The following BTF3L4 variants were observed in gnomAD, a reference collection of about 807,000 sequenced individuals.
BTF3L4 encodes the protein transcription factor BTF3 homolog 4.
Under a neutral mutation model 16.8 loss-of-function variants are expected in BTF3L4, and 6 were observed. The observed-to-expected ratio is 0.36, with a 90% CI of 0.20 to 0.71. The LOEUF (loss-of-function observed/expected upper bound fraction) is 0.71, where lower values mean the gene tolerates loss of function less well. Among genes scored for constraint, BTF3L4 ranks in the 30% least tolerant of loss-of-function variants. BTF3L4 has a pLI of 0.58. For synonymous variants in BTF3L4, 39 were observed against 59.8 expected, an observed-to-expected ratio of 0.65 and a Z score of 1.60; for missense variants, 92 against 186.9, an observed-to-expected ratio of 0.49 and a Z score of 2.96.
chr1:52,058,741 A>G (rs1192907116), intron 1 of BTF3L4, among the ~76,000 whole-genome samples: 1 of 152,078 alleles, frequency 6.6e-6, no homozygotes, highest in African/African-American at 2.4e-5. Context: ...AGCTGGGATT[A>G]CAGGCATGTG....
chr1:52,081,644 T>C (rs1234247834), intron 3 of BTF3L4, among the ~76,000 whole-genome samples: 1 of 152,236 alleles, frequency 6.6e-6, no homozygotes, highest in Non-Finnish European at 1.5e-5. Flanking sequence ...CTATATAATT[T>C]ATCTTTTCTG....
At chr1:52,073,139 C>T (rs1686836140) in intron 3 of BTF3L4, among the ~76,000 whole-genome samples, 1 of 152,014 alleles carries the variant, frequency 6.6e-6, no homozygotes, top group Non-Finnish European at 1.5e-5. Flanking sequence ...GGAGAATTGG[C>T]TGGGCATGGT....
intron 1 of BTF3L4, among the ~76,000 whole-genome samples, chr1:52,056,712 T>C (rs1047789701): frequency 1.3e-5 from 2 of 152,270 alleles, no homozygotes; most frequent in African/African-American, 4.8e-5. Flanking sequence ...TGCTTTGAGC[T>C]TTATACAGGC....
Position 52,087,397 on chromosome 1 carries a change from A to C in BTF3L4, c.*639A>C, listed in dbSNP as rs1235612762. On this transcript the variant is annotated 3_prime_UTR_variant, in exon 6 of 6. Coordinates refer to ENST00000313334, the MANE Select transcript of BTF3L4 (RefSeq NM_152265.5). ...TTGCCTTAGATTAACTTACCTAGTC[A>C]GACCCAGAAGAACTTCTTTTACTAG... 3.3e-5 allele frequency: 5 copies of C among 152,242 alleles called. No homozygotes were observed. The highest frequency in any genetic ancestry group is 7.3e-5 in the Non-Finnish European group (5 of 68,050). The allele number at this position is 152,242 out of a possible 1,614,324, so 9.4% of individuals were successfully genotyped here.
At chr1:52,083,598 C>T (rs1229379173) in intron 4 of BTF3L4, 57 bp downstream of exon 4, 2 of 1,358,588 alleles carry the variant, frequency 1.5e-6, no homozygotes, top group Non-Finnish European at 2.1e-6. Flanking sequence ...AGAACCTAAT[C>T]ATTTAAAAGG....
chr1:52,064,988 A>G (rs750233585), intron 3 of BTF3L4, 50 bp downstream of exon 3: 1 of 1,111,518 alleles, frequency 9.0e-7, no homozygotes, highest in East Asian at 2.5e-5. Flanking sequence ...TGCACAAATA[A>G]TTGTCTGGAC....
At position 52,086,142 on chromosome 1, in the gene BTF3L4, A is replaced by G. The variant is rs910148153; in HGVS notation, c.401A>G (p.Asp134Gly). The change falls in exon 5 of 6, where the codon GAC becomes GGC. Residue 134 changes from aspartate (D) to glycine (G), a missense_variant. Physicochemically the swap from Asp to Gly is moderately conservative, Grantham distance 94. Coordinates refer to ENST00000313334, the MANE Select transcript of BTF3L4 (RefSeq NM_152265.5). ...VLDSKAPKPE[D>G]IDEEDDDVPD... Reference sequence around the variant, plus strand: ...GACAGTAAAGCACCAAAACCAGAAGACATTGATGAGGAAGATGATGATGTT... The same window carrying G: ...GACAGTAAAGCACCAAAACCAGAAGGCATTGATGAGGAAGATGATGATGTT... The G allele has an allele frequency of 1.2e-6, 2 of 1,611,160 alleles. No individual in the cohort carries two copies. Among genetic ancestry groups the G allele is most frequent in the Non-Finnish European group, 1.7e-6 (2 of 1,178,784 alleles).
chr1:52,056,646 C>A (rs937811682), intron 1 of BTF3L4, among the ~76,000 whole-genome samples: 1 of 152,252 alleles, frequency 6.6e-6, no homozygotes, highest in Non-Finnish European at 1.5e-5. Flanking sequence ...TCCCAGGAGG[C>A]AGGTGGACGC....
At chr1:52,080,826 G>A (rs1643913247) in intron 3 of BTF3L4, among the ~76,000 whole-genome samples, 3 of 144,586 alleles carry the variant, frequency 2.1e-5, no homozygotes, top group South Asian at 2.2e-4. Flanking sequence ...GAGCCACTGC[G>A]CTCGGCCTTC....
intron 3 of BTF3L4, among the ~76,000 whole-genome samples, chr1:52,067,931 A>T (rs530037179): frequency 6.6e-6 from 1 of 152,308 alleles, no homozygotes; most frequent in Admixed American, 6.5e-5. Flanking sequence ...ATATCTCTAG[A>T]GATTGCCATG....
At chr1:52,081,171 C>G (rs1643917055) in intron 3 of BTF3L4, among the ~76,000 whole-genome samples, 1 of 148,876 alleles carries the variant, frequency 6.7e-6, no homozygotes, top group Non-Finnish European at 1.5e-5. Context: ...GAGCTTCACT[C>G]TTGTCGCCCA....
At chr1:52,065,086 T>C in intron 3 of BTF3L4, 148 bp downstream of exon 3, 1 of 423,516 alleles carries the variant, frequency 2.4e-6, no homozygotes, top group Non-Finnish European at 4.3e-6. Context: ...GATTTTTGTA[T>C]GAAATTAAAT....
chr1:52,067,308 C>A (rs1383502164), intron 3 of BTF3L4, among the ~76,000 whole-genome samples: 2 of 152,198 alleles, frequency 1.3e-5, no homozygotes, highest in Non-Finnish European at 2.9e-5. Flanking sequence ...CCACATGTTC[C>A]TTCCACCTTG....
At chr1:52,067,125 A>G (rs540408003) in intron 3 of BTF3L4, among the ~76,000 whole-genome samples, 4 of 152,090 alleles carry the variant, frequency 2.6e-5, no homozygotes, top group Non-Finnish European at 4.4e-5. Context: ...AATCCCAGCT[A>G]TTTGGGAGGC....
chr1:52,060,583 A>C, intron 2 of BTF3L4: 1 of 1,185,498 alleles, frequency 8.4e-7, no homozygotes, highest in Non-Finnish European at 1.1e-6. Flanking sequence ...CAAGGAGAAT[A>C]TTCTACCCAT....
At chr1:52,076,238 T>C (rs187620400) in intron 3 of BTF3L4, among the ~76,000 whole-genome samples, 44 of 152,120 alleles carry the variant, frequency 2.9e-4, no homozygotes, top group Middle Eastern at 3.4e-3. Flanking sequence ...ATAGCACCAC[T>C]GCATTCCAGC....
At chr1:52,085,363 G>T (rs1169419998) in intron 4 of BTF3L4, among the ~76,000 whole-genome samples, 21 of 146,636 alleles carry the variant, frequency 1.4e-4, no homozygotes, top group Non-Finnish European at 1.5e-5. Flanking sequence ...TTTTTTGTTT[G>T]TTTGTTTTTT....
At chr1:52,075,804 C>T (rs34051277) in intron 3 of BTF3L4, among the ~76,000 whole-genome samples, 111,284 of 151,658 alleles carry the variant, frequency 0.73, 45,415 homozygotes, top group Non-Finnish European at 0.89. Context: ...GCTGGGATTA[C>T]AGGCAGGCGC....
At chr1:52,071,269 A>T (rs572546034) in intron 3 of BTF3L4, 3 of 152,358 alleles carry the variant, frequency 2.0e-5, no homozygotes, top group African/African-American at 7.2e-5. Flanking sequence ...TTCAGAGGAC[A>T]GCTTCTGTCT....
Sources: allele counts gnomAD v4.1 joint callset (sites outside exome capture counted in the v4.1 genomes callset), GRCh38; gene constraint gnomAD v4.1.1; transcripts MANE v1.5; gene names NCBI Gene and HGNC (gene_info 2026-07-23, HGNC 2026-07-21).